Variants in SVOP observed in about 807,000 individuals in gnomAD.
The protein encoded by SVOP is SV2 related protein.
In SVOP, 17 loss-of-function variants were observed where a neutral mutation model predicts 69.1. The observed-to-expected ratio is 0.25, with a 90% CI of 0.17 to 0.37. The LOEUF is 0.37. SVOP is among the 10% of genes least tolerant of loss of function. SVOP has a pLI of 1.00. For synonymous variants in SVOP, 238 were observed against 238.6 expected, an observed-to-expected ratio of 1.00 and a Z score of 0.02; for missense variants, 435 against 597.5, an observed-to-expected ratio of 0.73 and a Z score of 2.84.
chr12:109,014,140 C>T (rs990076334), intron 1 of SVOP, among the ~76,000 whole-genome samples: 13 of 151,728 alleles, frequency 8.6e-5, no homozygotes, highest in Non-Finnish European at 5.9e-5. Flanking sequence ...CTCAGCCTCC[C>T]AAGTAGCTGG....
intron 13 of SVOP, among the ~76,000 whole-genome samples, chr12:108,919,336 C>T (rs1194852191): frequency 6.6e-6 from 1 of 151,560 alleles, no homozygotes; most frequent in Admixed American, 6.6e-5. Context: ...CACACCTGGG[C>T]CTGCACCTAT....
At chr12:108,982,947 AT>A (rs2040148456) in intron 2 of SVOP, among the ~76,000 whole-genome samples, 1 of 151,084 alleles carries the variant, frequency 6.6e-6, no homozygotes, top group African/African-American at 2.4e-5. Flanking sequence ...CACCATCACC[AT>A]CATGATCACC....
intron 5 of SVOP, among the ~76,000 whole-genome samples, chr12:108,966,679 C>T (rs2040047445): frequency 6.6e-6 from 1 of 152,088 alleles, no homozygotes; most frequent in Admixed American, 6.5e-5. Context: ...TTCTCTTTCC[C>T]TCTGGTCAGG....
chr12:108,939,338 G>A (rs895650513), intron 8 of SVOP, among the ~76,000 whole-genome samples: 2 of 152,126 alleles, frequency 1.3e-5, no homozygotes, highest in Admixed American at 1.3e-4. Flanking sequence ...CCAGGTGAGG[G>A]CTGAATTAAA....
intron 11 of SVOP, 53 bp downstream of exon 11, chr12:108,934,142 A>G: frequency 6.8e-7 from 1 of 1,478,168 alleles, no homozygotes; most frequent in African/African-American, 1.4e-5. Flanking sequence ...ATGACTGTGT[A>G]TGTGCCGAGG....
At chr12:108,958,656 C>T (rs1472140966) in intron 6 of SVOP, among the ~76,000 whole-genome samples, 2 of 152,118 alleles carry the variant, frequency 1.3e-5, no homozygotes, top group Non-Finnish European at 2.9e-5. Context: ...CTTGGTCTGC[C>T]CTTCAGGACT....
At chr12:108,966,809 A>T (rs932906533) in intron 5 of SVOP, among the ~76,000 whole-genome samples, 1 of 152,162 alleles carries the variant, frequency 6.6e-6, no homozygotes, top group African/African-American at 2.4e-5. Flanking sequence ...CTAATCAACT[A>T]AATTCTGAGG....
chr12:109,007,955 T>C (rs796386824), intron 1 of SVOP, among the ~76,000 whole-genome samples: 2 of 152,154 alleles, frequency 1.3e-5, no homozygotes, highest in African/African-American at 4.8e-5. Context: ...GAAGGATCAT[T>C]TGAACCCAAG....
intron 1 of SVOP, among the ~76,000 whole-genome samples, chr12:108,990,734 G>A (rs969129260): frequency 6.6e-6 from 1 of 151,578 alleles, no homozygotes; most frequent in African/African-American, 2.4e-5. Flanking sequence ...AAAACAAAAG[G>A]CACAGCTCCA....
intron 5 of SVOP, among the ~76,000 whole-genome samples, chr12:108,972,183 C>T (rs2040083206): frequency 1.3e-5 from 2 of 151,560 alleles, no homozygotes; most frequent in Admixed American, 1.3e-4. Context: ...TATGAATAGG[C>T]ATTGATTGTC....
chr12:109,001,847 A>G (rs1189877121), intron 1 of SVOP, among the ~76,000 whole-genome samples: 1 of 151,894 alleles, frequency 6.6e-6, no homozygotes, highest in Non-Finnish European at 1.5e-5. Flanking sequence ...ACCTAAAACC[A>G]TAAAAACCCT....
At chr12:108,937,454 C>T in intron 9 of SVOP, 117 bp from the exon 10 acceptor site, 1 of 967,048 alleles carries the variant, frequency 1.0e-6, no homozygotes, top group Non-Finnish European at 1.7e-6. Flanking sequence ...GTAAGTAGGA[C>T]ACTGGAGCTC....
intron 5 of SVOP, among the ~76,000 whole-genome samples, chr12:108,968,744 TTGTGTGTG>T (rs554473073): frequency 2.0e-5 from 3 of 149,762 alleles, no homozygotes; most frequent in African/African-American, 7.3e-5. Context: ...TGTTTGTCTT[TTGTGTGTG>T]TGTGTGTGTG....
chr12:108,949,275 C>CTT lies in SVOP; in HGVS notation c.579-4111_579-4110dup, dbSNP rs36173334. ...CAGAGTTTGCTTTGCAATCTTTCAG[C>CTT]TTTTTTTTTGCCCACACAGAGTCTC... is the stretch of plus-strand genomic sequence containing the variant. On this transcript the variant is annotated intron_variant, in intron 6 of 15. Transcript: ENST00000610966. 2.1e-3 allele frequency among the ~76,000 whole-genome samples: 321 copies of CTT among 150,488 alleles called. 1 individual carries two copies. The highest frequency in any genetic ancestry group is 3.7e-3 in the African/African-American group (152 of 41,036).
chr12:108,920,309 T>G (rs1186860129), intron 12 of SVOP, among the ~76,000 whole-genome samples: 1 of 152,216 alleles, frequency 6.6e-6, no homozygotes. Context: ...ACTACATTTT[T>G]GGGATGATTT....
At chr12:108,942,152 T>C (rs1264082903) in intron 7 of SVOP, among the ~76,000 whole-genome samples, 1 of 152,264 alleles carries the variant, frequency 6.6e-6, no homozygotes, top group African/African-American at 2.4e-5. Context: ...AAGATTCATC[T>C]GCATTGTACC....
chr12:108,981,546 C>T (rs1346431864), intron 2 of SVOP, among the ~76,000 whole-genome samples: 4 of 111,600 alleles, frequency 3.6e-5, no homozygotes, highest in South Asian at 3.9e-4. Flanking sequence ...AGAACAAGGT[C>T]GTGGGTAAGA....
At chr12:108,996,224 G>C (rs892055635) in intron 1 of SVOP, among the ~76,000 whole-genome samples, 1 of 152,128 alleles carries the variant, frequency 6.6e-6, no homozygotes, top group African/African-American at 2.4e-5. Context: ...AAGTGGTATA[G>C]CATGGTCCTG....
intron 5 of SVOP, among the ~76,000 whole-genome samples, chr12:108,963,156 C>A (rs1216139150): frequency 6.6e-6 from 1 of 152,092 alleles, no homozygotes; most frequent in African/African-American, 2.4e-5. Flanking sequence ...TCTGGTCAGG[C>A]CTCTTTCTGC....
Sources: gnomAD v4.1 joint callset for allele counts (sites outside exome capture counted in the v4.1 genomes callset) on GRCh38, gnomAD v4.1.1 for gene constraint, MANE v1.5 for transcripts, NCBI Gene and HGNC (gene_info 2026-07-23, HGNC 2026-07-21) for gene names.